CEP112: variants seen among roughly 807,000 people sequenced by gnomAD.
CEP112 encodes the protein centrosomal protein of 112 kDa.
In CEP112, 127 loss-of-function variants were observed where a neutral mutation model predicts 153.0. The observed-to-expected ratio is 0.83, with a 90% CI of 0.72 to 0.96. CEP112 has a LOEUF of 0.96. Among genes scored for constraint, CEP112 ranks in the 40% least tolerant of loss-of-function variants. CEP112 has a pLI of 0.00. For missense variants in CEP112, 1,089 were observed against 1,101.2 expected (o/e 0.99, Z 0.16); for synonymous variants, 358 against 374.4 (o/e 0.96, Z 0.51).
chr17:66,162,707 T>C (rs1480311556), intron 4 of CEP112, among the ~76,000 whole-genome samples: 4 of 152,112 alleles, frequency 2.6e-5, no homozygotes, highest in African/African-American at 7.2e-5. Context: ...AACGAATCTA[T>C]GGTAACATAA....
chr17:66,152,002 T>C (rs1048589670), intron 4 of CEP112, among the ~76,000 whole-genome samples: 3 of 152,166 alleles, frequency 2.0e-5, no homozygotes, highest in Non-Finnish European at 4.4e-5. Context: ...AGCACATACT[T>C]AGAACAAATA....
chr17:65,939,834 A>T (rs2061455208), intron 18 of CEP112, among the ~76,000 whole-genome samples: 1 of 152,230 alleles, frequency 6.6e-6, no homozygotes, highest in Non-Finnish European at 1.5e-5. Context: ...CTTAGCAAAG[A>T]TTTCTTGGAT....
intron 21 of CEP112, among the ~76,000 whole-genome samples, chr17:65,837,482 C>T (rs2057357844): frequency 1.3e-5 from 2 of 151,982 alleles, no homozygotes; most frequent in South Asian, 2.1e-4. Context: ...AGGAGTGTCT[C>T]TGCCCCGCTG....
At chr17:66,184,860 G>C (rs1246636466) in intron 1 of CEP112, among the ~76,000 whole-genome samples, 3 of 152,100 alleles carry the variant, frequency 2.0e-5, no homozygotes, top group Non-Finnish European at 4.4e-5. Context: ...ATGGTGACTA[G>C]ATAAACTGTG....
intron 20 of CEP112, among the ~76,000 whole-genome samples, chr17:65,868,032 T>C (rs1034107826): frequency 9.9e-5 from 15 of 151,712 alleles, no homozygotes; most frequent in Admixed American, 5.9e-4. Flanking sequence ...GTTTATATTA[T>C]ATGTATTAAT....
intron 16 of CEP112, 68 bp from the exon 17 acceptor site, chr17:66,005,837 A>G: frequency 7.7e-7 from 1 of 1,305,860 alleles, no homozygotes; most frequent in Non-Finnish European, 1.1e-6. Flanking sequence ...AGACATACAA[A>G]CAATGAAACA....
chr17:65,901,071 G>A (rs967026340), intron 20 of CEP112, among the ~76,000 whole-genome samples: 3 of 152,050 alleles, frequency 2.0e-5, no homozygotes, highest in East Asian at 1.9e-4. Flanking sequence ...ACCACCTCCC[G>A]CTGTCCACTC....
At chr17:65,900,109 T>C (rs1020003189) in intron 20 of CEP112, among the ~76,000 whole-genome samples, 3 of 152,150 alleles carry the variant, frequency 2.0e-5, no homozygotes, top group African/African-American at 7.2e-5. Flanking sequence ...AAATACAAAT[T>C]ATGAGTATTT....
chr17:65,867,267 C>T (rs1410637973), intron 20 of CEP112, among the ~76,000 whole-genome samples: 2 of 152,212 alleles, frequency 1.3e-5, no homozygotes, highest in Admixed American at 1.3e-4. Context: ...GGACCCCATG[C>T]TCGCTCACAT....
At chr17:65,785,879 ATATGGATATCTAGTTGT>A (rs1568010947) in intron 21 of CEP112, among the ~76,000 whole-genome samples, 5 of 152,102 alleles carry the variant, frequency 3.3e-5, no homozygotes, top group African/African-American at 1.2e-4. Context: ...ACTCTTTTGC[ATATGGATATCTAGTTGT>A]CCCAGCACTA....
chr17:65,764,372 T>C (rs1414142538), intron 21 of CEP112, among the ~76,000 whole-genome samples: 1 of 152,270 alleles, frequency 6.6e-6, no homozygotes, highest in East Asian at 1.9e-4. Flanking sequence ...ACTATTACTG[T>C]ATTGCTATCT....
At chr17:65,983,441 G>A (rs1201022088) in intron 17 of CEP112, among the ~76,000 whole-genome samples, 6 of 152,136 alleles carry the variant, frequency 3.9e-5, no homozygotes, top group Non-Finnish European at 7.3e-5. Context: ...GTTGAAATGT[G>A]ACCTTCCAAT....
intron 17 of CEP112, among the ~76,000 whole-genome samples, chr17:65,966,614 G>C (rs1314941686): frequency 6.6e-6 from 1 of 152,176 alleles, no homozygotes; most frequent in African/African-American, 2.4e-5. Context: ...AGACTCACAA[G>C]CGGCAATATC....
At chr17:66,046,919 C>T (rs1420544619) in intron 12 of CEP112, among the ~76,000 whole-genome samples, 1 of 152,078 alleles carries the variant, frequency 6.6e-6, no homozygotes. Flanking sequence ...CTACCAGAAC[C>T]TTCAAGAAAA....
intron 21 of CEP112, among the ~76,000 whole-genome samples, chr17:65,755,185 T>C (rs2052174459): frequency 6.6e-6 from 1 of 152,206 alleles, no homozygotes; most frequent in Non-Finnish European, 1.5e-5. Context: ...TTGCTCATGG[T>C]TCTGCAGGGT....
chr17:65,714,885 T>C (rs1003970606), intron 23 of CEP112, among the ~76,000 whole-genome samples: 1 of 152,052 alleles, frequency 6.6e-6, no homozygotes, highest in Non-Finnish European at 1.5e-5. Flanking sequence ...GTGGAGCTGT[T>C]AGGCAGTGGG....
In CEP112 at chr17:66,010,141, C is replaced by A. The variant is rs1283874018; in HGVS notation, c.1657-4372G>T. On this transcript the variant is annotated intron_variant, in intron 16 of 26. Transcript: ENST00000535342. Reference sequence around the variant, plus strand: ...TTGTGTCATCTCTGATTTCATTGAGCAATGTTTTTTATCCCATTGTAGAAA... The same window carrying A: ...TTGTGTCATCTCTGATTTCATTGAGAAATGTTTTTTATCCCATTGTAGAAA... 2.0e-5 allele frequency among the ~76,000 whole-genome samples: 3 copies of A among 152,134 alleles called. No individual in the cohort carries two copies. In the East Asian group the frequency reaches 5.8e-4, roughly 29 times the overall value.
chr17:65,906,643 C>G (rs1262760570), intron 19 of CEP112, among the ~76,000 whole-genome samples: 1 of 151,950 alleles, frequency 6.6e-6, no homozygotes, highest in East Asian at 1.9e-4. Flanking sequence ...CTACTATTGG[C>G]AATATTCAGA....
At chr17:65,695,110 A>C (rs963712405) in intron 23 of CEP112, among the ~76,000 whole-genome samples, 1 of 152,098 alleles carries the variant, frequency 6.6e-6, no homozygotes, top group Admixed American at 6.6e-5. Flanking sequence ...TGACTTTCAG[A>C]GTGCTTTCTG....
Sources: gnomAD v4.1 joint callset for allele counts (sites outside exome capture counted in the v4.1 genomes callset) on GRCh38, gnomAD v4.1.1 for gene constraint, MANE v1.5 for transcripts, NCBI Gene and HGNC (gene_info 2026-07-23, HGNC 2026-07-21) for gene names.